IMMP2L: variants seen among roughly 807,000 people sequenced by gnomAD.
The protein encoded by IMMP2L is mitochondrial inner membrane protease subunit 2.
In IMMP2L, 18 loss-of-function variants were observed where a neutral mutation model predicts 19.3. That is an observed-to-expected ratio of 0.93 (90% confidence interval 0.64 to 1.38). IMMP2L has a LOEUF of 1.38. Ranked by LOEUF, IMMP2L falls within the 40% of genes most tolerant of loss-of-function variation. The pLI is 0.00. For missense variants in IMMP2L, 233 were observed against 218.2 expected, an observed-to-expected ratio of 1.07 and a Z score of -0.43; for synonymous variants, 76 against 73.0, an observed-to-expected ratio of 1.04 and a Z score of -0.21.
chr7:111,464,664 C>G (rs1840445867), intron 3 of IMMP2L, among the ~76,000 whole-genome samples: 1 of 151,884 alleles, frequency 6.6e-6, no homozygotes, highest in Non-Finnish European at 1.5e-5. Context: ...TTAATTTTTC[C>G]TCTGATGTTT....
At chr7:110,666,085 C>T (rs10238467) in intron 5 of IMMP2L, among the ~76,000 whole-genome samples, 4,957 of 151,868 alleles carry the variant, frequency 0.033, 176 homozygotes, top group African/African-American at 0.083. Flanking sequence ...TTTATTTATC[C>T]GTTTGATGCT....
intron 3 of IMMP2L, among the ~76,000 whole-genome samples, chr7:111,107,859 A>T (rs1798723684): frequency 6.6e-6 from 1 of 152,124 alleles, no homozygotes; most frequent in African/African-American, 2.4e-5. Context: ...TATAGACTCT[A>T]GCATGCAAAG....
intron 3 of IMMP2L, among the ~76,000 whole-genome samples, chr7:111,064,156 C>T (rs1042458326): frequency 7.9e-5 from 12 of 152,114 alleles, no homozygotes; most frequent in East Asian, 1.9e-4. Flanking sequence ...AATCACACGG[C>T]GGCAGACGAG....
chr7:110,977,538 C>T (rs911203622), intron 3 of IMMP2L, among the ~76,000 whole-genome samples: 1 of 151,944 alleles, frequency 6.6e-6, no homozygotes, highest in Non-Finnish European at 1.5e-5. Context: ...AAATGAACTT[C>T]TCGCTTCTAA....
At chr7:110,850,895 A>G (rs1585027429) in intron 5 of IMMP2L, among the ~76,000 whole-genome samples, 1 of 152,070 alleles carries the variant, frequency 6.6e-6, no homozygotes, top group East Asian at 1.9e-4. Flanking sequence ...TCAATAAGAA[A>G]AAGAAAATAT....
At chr7:111,275,731 T>C (rs984644678) in intron 3 of IMMP2L, among the ~76,000 whole-genome samples, 1 of 152,194 alleles carries the variant, frequency 6.6e-6, no homozygotes, top group Non-Finnish European at 1.5e-5. Context: ...TTCATCAGTG[T>C]TTTGTAGTTC....
At chr7:111,416,113 G>A (rs1025638831) in intron 3 of IMMP2L, among the ~76,000 whole-genome samples, 4 of 151,314 alleles carry the variant, frequency 2.6e-5, no homozygotes, top group African/African-American at 9.8e-5. Flanking sequence ...TCTATTCCCA[G>A]TTTTTGTCAA....
chr7:111,074,274 C>T (rs966159792), intron 3 of IMMP2L, among the ~76,000 whole-genome samples: 1 of 152,208 alleles, frequency 6.6e-6, no homozygotes, highest in Non-Finnish European at 1.5e-5. Context: ...CATCTTTCCA[C>T]CTACAATGAT....
intron 4 of IMMP2L, among the ~76,000 whole-genome samples, chr7:110,911,224 C>T (rs1813024710): frequency 6.6e-6 from 1 of 151,974 alleles, no homozygotes; most frequent in Non-Finnish European, 1.5e-5. Flanking sequence ...TAGCCATTTA[C>T]CTAAGCTATC....
chr7:111,380,600 T>C (rs367939464), intron 3 of IMMP2L, among the ~76,000 whole-genome samples: 5 of 152,180 alleles, frequency 3.3e-5, no homozygotes, highest in Admixed American at 6.6e-5. Context: ...GTTCCTTAAT[T>C]ATAAGCAGCA....
intron 3 of IMMP2L, among the ~76,000 whole-genome samples, chr7:111,093,981 C>T (rs753704776): frequency 6.6e-6 from 1 of 152,054 alleles, no homozygotes; most frequent in South Asian, 2.1e-4. Context: ...GCTTAATAAA[C>T]GGTGCTACCA....
At chr7:110,743,345 T>G (rs889222243) in intron 5 of IMMP2L, among the ~76,000 whole-genome samples, 1 of 152,296 alleles carries the variant, frequency 6.6e-6, no homozygotes, top group East Asian at 1.9e-4. Flanking sequence ...AATCTTTCAT[T>G]TGAATCTGAA....
chr7:111,155,504 C>T (rs1804539162), intron 3 of IMMP2L, among the ~76,000 whole-genome samples: 1 of 151,978 alleles, frequency 6.6e-6, no homozygotes, highest in Non-Finnish European at 1.5e-5. Context: ...CTCTTCTAAC[C>T]AATCTCTAAG....
intron 5 of IMMP2L, among the ~76,000 whole-genome samples, chr7:110,764,763 G>A (rs892329154): frequency 1.3e-5 from 2 of 151,988 alleles, no homozygotes; most frequent in Non-Finnish European, 2.9e-5. Flanking sequence ...ATTACTCAGG[G>A]AGAAAATGTT....
At chr7:111,045,835 A>C (rs567026200) in intron 3 of IMMP2L, among the ~76,000 whole-genome samples, 18 of 152,360 alleles carry the variant, frequency 1.2e-4, no homozygotes, top group Non-Finnish European at 2.1e-4. Flanking sequence ...TTGTAAGGTA[A>C]TAAATTTGTG....
rs186235402 is a variant in IMMP2L at position 110,764,140 on chromosome 7, A to G, written c.409-100419T>C. ...CTTGAATACAAGGTAACAGAACTGGATAACTACCTGCCAACATTGAAATCA... is the reference window on the plus strand; with the variant it reads ...CTTGAATACAAGGTAACAGAACTGGGTAACTACCTGCCAACATTGAAATCA... On this transcript the variant is annotated intron_variant, in intron 5 of 5. Coordinates refer to ENST00000405709, the MANE Select transcript of IMMP2L (RefSeq NM_032549.4). Among the ~76,000 whole-genome samples, 18 of 152,272 alleles carry G rather than the reference A, an allele frequency of 1.2e-4. 1 individual carries two copies. The East Asian group carries it at 2.9e-3, about 25-fold the overall frequency.
At chr7:110,906,654 T>C (rs1585214915) in intron 4 of IMMP2L, among the ~76,000 whole-genome samples, 1 of 152,088 alleles carries the variant, frequency 6.6e-6, no homozygotes, top group East Asian at 1.9e-4. Context: ...CTTAGCCATA[T>C]GATGGTGGGC....
At chr7:111,391,755 C>A in intron 3 of IMMP2L, 2 of 585,128 alleles carry the variant, frequency 3.4e-6, no homozygotes, top group African/African-American at 1.9e-5. Context: ...AGAAAAATGG[C>A]AAAAAGACAA....
rs182390406 is a variant in IMMP2L, at chr7:110,924,058, T to C, written c.306-37363A>G. Among the ~76,000 whole-genome samples, 147 of 152,278 alleles carry C rather than the reference T, an allele frequency of 9.7e-4. 1 individual carries two copies. Among genetic ancestry groups the C allele is most frequent in the African/African-American group, 3.4e-3 (141 of 41,558 alleles). ...CTCAAGTTTACCTGAGTCTAATGTA[T>C]GACAAAGGAATGATTCCCATGATTA... On this transcript the variant is annotated intron_variant, in intron 4 of 5. Coordinates refer to ENST00000405709, the MANE Select transcript of IMMP2L (RefSeq NM_032549.4). The surrounding 1 kb of genome is among the most constrained non-coding windows in gnomAD (Gnocchi z 4.2).
Sources: allele counts gnomAD v4.1 joint callset (sites outside exome capture counted in the v4.1 genomes callset), GRCh38; gene constraint gnomAD v4.1.1; non-coding constraint Gnocchi (gnomAD v3.1); transcripts MANE v1.5; gene names NCBI Gene and HGNC (gene_info 2026-07-23, HGNC 2026-07-21).